The following CEP128 variants were observed in gnomAD, a reference collection of about 807,000 sequenced individuals.
CEP128 encodes the protein centrosomal protein 128kDa.
CEP128 carries 132 observed loss-of-function variants against 156.7 expected under a neutral mutation model. That is an observed-to-expected ratio of 0.84 (90% confidence interval 0.73 to 0.97). The LOEUF (loss-of-function observed/expected upper bound fraction) is 0.97, where lower values mean the gene tolerates loss of function less well. Among genes scored for constraint, CEP128 ranks in the 50% least tolerant of loss-of-function variants. The pLI, the probability that CEP128 is intolerant of heterozygous loss-of-function variation, is 0.00. For missense variants in CEP128, 1,252 were observed against 1,281.9 expected, an observed-to-expected ratio of 0.98 and a Z score of 0.36; for synonymous variants, 469 against 448.9, an observed-to-expected ratio of 1.04 and a Z score of -0.57.
At chr14:80,749,423 T>C (rs1899275105) in intron 18 of CEP128, among the ~76,000 whole-genome samples, 1 of 152,186 alleles carries the variant, frequency 6.6e-6, no homozygotes, top group Non-Finnish European at 1.5e-5. Flanking sequence ...GTGGTGCATA[T>C]ACACAGTGGA....
intron 19 of CEP128, among the ~76,000 whole-genome samples, chr14:80,617,067 T>A (rs986828668): frequency 6.7e-6 from 1 of 150,270 alleles, no homozygotes; most frequent in African/African-American, 2.5e-5. Flanking sequence ...CTGCAAGCAA[T>A]AAATTGTATT....
chr14:80,619,115 C>T (rs1893354142), intron 19 of CEP128, among the ~76,000 whole-genome samples: 1 of 152,076 alleles, frequency 6.6e-6, no homozygotes, highest in Non-Finnish European at 1.5e-5. Context: ...AAAAATTGGC[C>T]TTGGGTTGGA....
At chr14:80,673,796 C>CT (rs537286661) in intron 19 of CEP128, among the ~76,000 whole-genome samples, 1,567 of 146,668 alleles carry the variant, frequency 0.011, 19 homozygotes, top group African/African-American at 0.034. Flanking sequence ...CTCTCTCTCT[C>CT]TTTTTTTTTT....
At position 80,871,242 on chromosome 14, in the gene CEP128, A is replaced by T. The variant is rs187623268; in HGVS notation, c.646-8369T>A. Among the ~76,000 whole-genome samples, 253 of 152,236 alleles carry T rather than the reference A, an allele frequency of 1.7e-3. 2 individuals are homozygous for T. The highest frequency in any genetic ancestry group is 6.0e-3 in the African/African-American group (249 of 41,550). ...GAATAATTAAACATAATGACAATTT[A>T]AAAAAATAATTTGCCTGCAGTGAGA... On this transcript the variant is annotated intron_variant, in intron 8 of 24. Coordinates refer to ENST00000555265, the MANE Select transcript of CEP128 (RefSeq NM_152446.5).
chr14:80,608,999 T>C (rs1892893062), intron 19 of CEP128, among the ~76,000 whole-genome samples: 1 of 152,200 alleles, frequency 6.6e-6, no homozygotes, highest in Admixed American at 6.5e-5. Flanking sequence ...GGAATGCATA[T>C]TAAAAATGTA....
chr14:80,752,313 A>G (rs1200590860), intron 18 of CEP128, among the ~76,000 whole-genome samples: 1 of 152,220 alleles, frequency 6.6e-6, no homozygotes, highest in Non-Finnish European at 1.5e-5. Context: ...CAAGAATTAA[A>G]TTAGAAATGC....
intron 19 of CEP128, among the ~76,000 whole-genome samples, chr14:80,626,609 C>G (rs981734893): frequency 1.3e-5 from 2 of 151,948 alleles, no homozygotes; most frequent in Admixed American, 1.3e-4. Flanking sequence ...TAGACAACCA[C>G]TAGAAGCTGA....
At chr14:80,651,927 T>C (rs1040367334) in intron 19 of CEP128, among the ~76,000 whole-genome samples, 1 of 152,124 alleles carries the variant, frequency 6.6e-6, no homozygotes, top group African/African-American at 2.4e-5. Context: ...TAGATATCTA[T>C]TAGGTCTGCT....
intron 13 of CEP128, among the ~76,000 whole-genome samples, chr14:80,809,452 T>C (rs1330708191): frequency 6.6e-6 from 1 of 152,054 alleles, no homozygotes; most frequent in Non-Finnish European, 1.5e-5. Flanking sequence ...CTTAACAAAA[T>C]AATAGATAAA....
chr14:80,537,800 A>C (rs1889554466), intron 21 of CEP128, among the ~76,000 whole-genome samples: 1 of 152,212 alleles, frequency 6.6e-6, no homozygotes, highest in African/African-American at 2.4e-5. Flanking sequence ...GCTTCTAGAT[A>C]CACAGGTCCC....
chr14:80,796,423 G>C (rs1324687519), intron 13 of CEP128, among the ~76,000 whole-genome samples: 3 of 151,200 alleles, frequency 2.0e-5, no homozygotes, highest in African/African-American at 7.3e-5. Flanking sequence ...TTCCGCCACT[G>C]CACTGCAGCC....
At chr14:80,931,275 G>T (rs1469874753) in intron 2 of CEP128, among the ~76,000 whole-genome samples, 1 of 151,766 alleles carries the variant, frequency 6.6e-6, no homozygotes, top group Non-Finnish European at 1.5e-5. Flanking sequence ...TGAACGGCTT[G>T]CTGGTTTCAC....
intron 19 of CEP128, among the ~76,000 whole-genome samples, chr14:80,685,133 A>C (rs1193733275): frequency 6.6e-6 from 1 of 152,084 alleles, no homozygotes; most frequent in East Asian, 1.9e-4. Context: ...AAAACCAACC[A>C]ATTACCAAAA....
At chr14:80,541,925 T>G (rs562229849) in intron 21 of CEP128, among the ~76,000 whole-genome samples, 1 of 152,304 alleles carries the variant, frequency 6.6e-6, no homozygotes, top group East Asian at 1.9e-4. Flanking sequence ...TATCTGTCTA[T>G]AGAAAAGTTC....
At chr14:80,681,159 C>T (rs772160800) in intron 19 of CEP128, among the ~76,000 whole-genome samples, 1 of 151,956 alleles carries the variant, frequency 6.6e-6, no homozygotes, top group African/African-American at 2.4e-5. Flanking sequence ...AGAGACCCTA[C>T]CCATGATCCT....
At chr14:80,510,068 C>A (rs1888172441) in intron 23 of CEP128, among the ~76,000 whole-genome samples, 1 of 152,066 alleles carries the variant, frequency 6.6e-6, no homozygotes, top group Admixed American at 6.5e-5. Flanking sequence ...ATTCCTCCAG[C>A]TTGGTTCTTT....
intron 8 of CEP128, among the ~76,000 whole-genome samples, chr14:80,884,148 C>A (rs1395921770): frequency 6.6e-6 from 1 of 152,120 alleles, no homozygotes; most frequent in Non-Finnish European, 1.5e-5. Flanking sequence ...GGACCAAACT[C>A]CCCAGGACAT....
chr14:80,609,153 C>T (rs541828842), intron 19 of CEP128, among the ~76,000 whole-genome samples: 1 of 152,194 alleles, frequency 6.6e-6, no homozygotes, highest in South Asian at 2.1e-4. Flanking sequence ...CAATAAACCA[C>T]ATAATCAAAT....
intron 19 of CEP128, among the ~76,000 whole-genome samples, chr14:80,596,053 GAAA>G (rs55831009): frequency 5.5e-5 from 6 of 109,104 alleles, no homozygotes; most frequent in African/African-American, 1.0e-4. Flanking sequence ...TATCAGCAGG[GAAA>G]AAAAAAAAAA....
Sources: gnomAD v4.1 joint callset for allele counts (sites outside exome capture counted in the v4.1 genomes callset) on GRCh38, gnomAD v4.1.1 for gene constraint, MANE v1.5 for transcripts, NCBI Gene and HGNC (gene_info 2026-07-23, HGNC 2026-07-21) for gene names.